The following PCDH15 variants were observed in gnomAD, a reference collection of about 807,000 sequenced individuals.
The protein encoded by PCDH15 is protocadherin-15.
Under a neutral mutation model 178.5 loss-of-function variants are expected in PCDH15, and 129 were observed. That is an observed-to-expected ratio of 0.72 (90% CI 0.63 to 0.84). PCDH15 has a LOEUF of 0.84. Among genes scored for constraint, PCDH15 ranks in the 40% least tolerant of loss-of-function variants. The probability of loss-of-function intolerance (pLI) is 0.00; values close to 1 mark genes in which losing one functional copy is unlikely to be tolerated. For synonymous variants in PCDH15, 800 were observed against 732.0 expected (o/e 1.09, Z -1.50); for missense variants, 2,230 against 2,099.9 (o/e 1.06, Z -1.21).
rs1840191982 is a variant in PCDH15, at chr10:55,016,782, C to G, written c.-79-119282G>C. Among the ~76,000 whole-genome samples, 3 of 152,126 alleles carry G rather than the reference C, an allele frequency of 2.0e-5. No individual in the cohort carries two copies. The South Asian group carries it at 6.2e-4, about 32-fold the overall frequency. ...ATACCTAGCAGTGGGATTGCTGGAT[C>G]ACATGAACCAAATAATCCAGTAACA... On this transcript the variant is annotated intron_variant, in intron 2 of 5. Transcript: ENST00000458638.
intron 2 of PCDH15, among the ~76,000 whole-genome samples, chr10:55,011,201 G>GA (rs1840040174): frequency 6.6e-6 from 1 of 151,920 alleles, no homozygotes; most frequent in South Asian, 2.1e-4. Context: ...TACACATACT[G>GA]AAAAAATCGT....
At chr10:55,283,354 CA>C (rs1554849364) in intron 1 of PCDH15, among the ~76,000 whole-genome samples, 1 of 151,952 alleles carries the variant, frequency 6.6e-6, no homozygotes, top group Non-Finnish European at 1.5e-5. Flanking sequence ...CCTTAACCAC[CA>C]AAGTATCCTT....
intron 2 of PCDH15, among the ~76,000 whole-genome samples, chr10:55,094,503 G>A (rs550354431): frequency 1.3e-5 from 2 of 151,880 alleles, no homozygotes; most frequent in African/African-American, 4.8e-5. Flanking sequence ...TAACAAACCT[G>A]CATGTTATGC....
At chr10:53,824,315 G>C (rs945060360) in intron 32 of PCDH15, among the ~76,000 whole-genome samples, 1 of 152,116 alleles carries the variant, frequency 6.6e-6, no homozygotes, top group African/African-American at 2.4e-5. Flanking sequence ...TGATTGATAG[G>C]TGGTTCCGAA....
chr10:55,416,114 T>C (rs1201685057), intron 2 of PCDH15, among the ~76,000 whole-genome samples: 1 of 151,606 alleles, frequency 6.6e-6, no homozygotes, highest in Non-Finnish European at 1.5e-5. Flanking sequence ...GAAAGACATA[T>C]ATAATATACA....
intron 2 of PCDH15, among the ~76,000 whole-genome samples, chr10:55,608,974 A>G (rs1443739289): frequency 6.6e-6 from 1 of 151,766 alleles, no homozygotes; most frequent in Admixed American, 6.6e-5. Context: ...TTAATCCAAA[A>G]GCGATTGTCT....
At chr10:54,874,574 A>G (rs1160415601) in intron 3 of PCDH15, among the ~76,000 whole-genome samples, 2 of 152,270 alleles carry the variant, frequency 1.3e-5, no homozygotes, top group East Asian at 3.9e-4. Context: ...GTCTAATTAA[A>G]CTAAAGAGCT....
At chr10:55,036,301 G>A (rs1022173315) in intron 2 of PCDH15, among the ~76,000 whole-genome samples, 19 of 152,244 alleles carry the variant, frequency 1.2e-4, no homozygotes, top group Middle Eastern at 3.4e-3. Flanking sequence ...TACCTAGACT[G>A]TAGTGTTCGG....
chr10:54,390,058 G>C (rs1160903587), intron 3 of PCDH15, among the ~76,000 whole-genome samples: 2 of 152,136 alleles, frequency 1.3e-5, no homozygotes, highest in East Asian at 3.9e-4. Context: ...TTAACTATAA[G>C]CTATTATTGA....
At chr10:55,518,620 A>T (rs1042474316) in intron 2 of PCDH15, among the ~76,000 whole-genome samples, 2 of 151,906 alleles carry the variant, frequency 1.3e-5, no homozygotes, top group Admixed American at 6.6e-5. Context: ...TAATAAACAC[A>T]TGCCTTTCCC....
chr10:53,855,225 T>C (rs1453406375), intron 28 of PCDH15, among the ~76,000 whole-genome samples: 1 of 152,016 alleles, frequency 6.6e-6, no homozygotes, highest in African/African-American at 2.4e-5. Context: ...TAATGCTTTG[T>C]AGAAAAATAA....
chr10:53,918,686 G>T (rs763512374), intron 25 of PCDH15, among the ~76,000 whole-genome samples: 1 of 150,892 alleles, frequency 6.6e-6, no homozygotes, highest in Non-Finnish European at 1.5e-5. Context: ...TCAAATAGGC[G>T]CCTCTGTCCT....
chr10:54,250,863 A>C (rs2056418182), intron 8 of PCDH15, among the ~76,000 whole-genome samples: 2 of 152,210 alleles, frequency 1.3e-5, no homozygotes, highest in Non-Finnish European at 2.9e-5. Context: ...ACACAACCCA[A>C]CAAAACTGCT....
At chr10:55,455,074 T>C (rs955404961) in intron 2 of PCDH15, among the ~76,000 whole-genome samples, 12 of 152,236 alleles carry the variant, frequency 7.9e-5, no homozygotes, top group African/African-American at 2.9e-4. Context: ...ATGTTGTGTG[T>C]TGCGTGGTAT....
chr10:55,014,153 T>C (rs547943291), intron 2 of PCDH15, among the ~76,000 whole-genome samples: 10 of 152,224 alleles, frequency 6.6e-5, no homozygotes, highest in African/African-American at 1.9e-4. Flanking sequence ...CATTTAAAAG[T>C]TGACTGGATA....
rs758449307 is a variant in PCDH15, at chr10:54,528,451, G to A, written c.92-574C>T. The A allele has an allele frequency of 3.4e-6, 5 of 1,471,052 alleles. No homozygotes were observed. In the South Asian group the frequency reaches 3.7e-5, roughly 11 times the overall value. The allele number at this position is 1,471,052 out of a possible 1,614,324, so 91.1% of individuals were successfully genotyped here. A position where few individuals can be genotyped will look rare whatever the true frequency, so the allele number is the denominator to read the frequency against. The stretch of plus-strand genomic sequence containing the variant: ...TCAATGGAAGCAGATCAGAAAAATG[G>A]AAGAAAGAAAGGAAGAGAGAATATA... On this transcript the variant is annotated intron_variant, in intron 2 of 37. Coordinates refer to ENST00000644397, the MANE Select transcript of PCDH15 (RefSeq NM_001384140.1).
chr10:54,174,413 T>C (rs1005507486), intron 13 of PCDH15, among the ~76,000 whole-genome samples: 2 of 151,830 alleles, frequency 1.3e-5, no homozygotes, highest in Admixed American at 6.6e-5. Context: ...TGGGCTCCTG[T>C]AGTCCCAGCT....
At chr10:54,602,182 C>T (rs1195343602) in intron 2 of PCDH15, among the ~76,000 whole-genome samples, 1 of 151,752 alleles carries the variant, frequency 6.6e-6, no homozygotes, top group Non-Finnish European at 1.5e-5. Context: ...TAAACATTTT[C>T]CTTTATTAAT....
intron 2 of PCDH15, among the ~76,000 whole-genome samples, chr10:55,401,017 T>C (rs1266817143): frequency 1.3e-5 from 2 of 152,132 alleles, no homozygotes; most frequent in African/African-American, 4.8e-5. Context: ...GCCCATTTTA[T>C]ACAGCTTGGT....
Sources: allele counts gnomAD v4.1 joint callset (sites outside exome capture counted in the v4.1 genomes callset), GRCh38; gene constraint gnomAD v4.1.1; transcripts MANE v1.5; gene names NCBI Gene and HGNC (gene_info 2026-07-23, HGNC 2026-07-21).